FSIP1: variants seen among roughly 807,000 people sequenced by gnomAD.
FSIP1 encodes the protein fibrous sheath-interacting protein 1.
In FSIP1, 65 loss-of-function variants were observed where a neutral mutation model predicts 60.9. That is an observed-to-expected ratio of 1.07 (90% CI 0.87 to 1.31). The LOEUF (loss-of-function observed/expected upper bound fraction) is 1.31. Among genes scored for constraint, FSIP1 ranks in the 40% most tolerant of loss-of-function variants. The pLI is 0.00. For synonymous variants in FSIP1, 209 were observed against 221.2 expected, an observed-to-expected ratio of 0.94 and a Z score of 0.49; for missense variants, 675 against 665.5, an observed-to-expected ratio of 1.01 and a Z score of -0.16.
At chr15:39,757,540 G>A (rs1272175452) in intron 5 of FSIP1, among the ~76,000 whole-genome samples, 1 of 151,980 alleles carries the variant, frequency 6.6e-6, no homozygotes, top group Non-Finnish European at 1.5e-5. Flanking sequence ...AATATAATTA[G>A]GTTAATAATG....
intron 10 of FSIP1, among the ~76,000 whole-genome samples, chr15:39,669,625 T>C (rs1893638670): frequency 6.6e-6 from 1 of 152,252 alleles, no homozygotes; most frequent in South Asian, 2.1e-4. Context: ...AATTTAATTA[T>C]ATGCCAAGTT....
chr15:39,658,251 A>ATTTTTTT (rs71132110), intron 10 of FSIP1, among the ~76,000 whole-genome samples: 1 of 105,290 alleles, frequency 9.5e-6, no homozygotes, highest in Non-Finnish European at 2.1e-5. Flanking sequence ...AGCAGACATG[A>ATTTTTTT]TTTTTTTTTT....
At chr15:39,767,302 C>G (rs1429290113) in intron 3 of FSIP1, among the ~76,000 whole-genome samples, 1 of 152,234 alleles carries the variant, frequency 6.6e-6, no homozygotes, top group Non-Finnish European at 1.5e-5. Context: ...CTAGCATTCT[C>G]AGGCTCCGTG....
chr15:39,720,483 G>A (rs952398176), intron 9 of FSIP1, among the ~76,000 whole-genome samples: 1 of 152,120 alleles, frequency 6.6e-6, no homozygotes, highest in Admixed American at 6.6e-5. Flanking sequence ...AGCCATTTCT[G>A]AGGCCCTCCC....
intron 10 of FSIP1, among the ~76,000 whole-genome samples, chr15:39,636,480 C>A (rs2140412242): frequency 6.6e-6 from 1 of 152,312 alleles, no homozygotes; most frequent in East Asian, 1.9e-4. Flanking sequence ...AGAAGGAGAA[C>A]TGACCTACCT....
chr15:39,598,452 AATGGCAAAGAATTAAATACCATC>A (rs1890527934), downstream of FSIP1: 1 of 152,222 alleles, frequency 6.6e-6, no homozygotes, highest in African/African-American at 2.4e-5. Flanking sequence ...AATTCTTTGA[AATGGCAAAGAATTAAATACCATC>A]ATTCATTATC....
At chr15:39,723,010 C>A (rs1896044523) in intron 9 of FSIP1, among the ~76,000 whole-genome samples, 1 of 152,026 alleles carries the variant, frequency 6.6e-6, no homozygotes, top group Admixed American at 6.6e-5. Context: ...TCAATACCTC[C>A]CATAAGGAAA....
Position 39,700,694 on chromosome 15 carries a change from G to A in FSIP1, c.1188+12750C>T, listed in dbSNP as rs931294603. On this transcript the variant is annotated intron_variant, in intron 10 of 11. Transcript: ENST00000350221. ...ATTGCCCACCCCAGTGTCTATACAAGGCTTTCACTACTCCACTATGCAGCC... is the reference window on the plus strand; with the variant it reads ...ATTGCCCACCCCAGTGTCTATACAAAGCTTTCACTACTCCACTATGCAGCC... Among the ~76,000 whole-genome samples, 5 of 152,254 alleles carry A rather than the reference G, an allele frequency of 3.3e-5. No homozygotes were observed. The East Asian group carries it at 9.6e-4, about 29-fold the overall frequency.
chr15:39,741,928 A>G (rs780909215), intron 5 of FSIP1, 28 bp from the exon 6 acceptor site: 16 of 1,184,074 alleles, frequency 1.4e-5, no homozygotes, highest in Non-Finnish European at 1.9e-5. Flanking sequence ...CACTTGTTCA[A>G]TGCTCACAAA....
chr15:39,673,139 AG>A (rs1323964315), intron 10 of FSIP1, among the ~76,000 whole-genome samples: 1 of 152,228 alleles, frequency 6.6e-6, no homozygotes, highest in Non-Finnish European at 1.5e-5. Flanking sequence ...ACTGCCCAAA[AG>A]GTTTCTGAAA....
chr15:39,730,173 G>C (rs1172095917), intron 8 of FSIP1, among the ~76,000 whole-genome samples: 1 of 152,088 alleles, frequency 6.6e-6, no homozygotes, highest in Non-Finnish European at 1.5e-5. Flanking sequence ...CTAAACTAGG[G>C]ATTCTATAGA....
chr15:39,649,849 G>A (rs569617562), intron 10 of FSIP1, among the ~76,000 whole-genome samples: 12 of 152,200 alleles, frequency 7.9e-5, no homozygotes, highest in Admixed American at 3.3e-4. Context: ...CCAATATCCC[G>A]ATTGCCTTCC....
chr15:39,781,126 T>C (rs1339437416), intron 1 of FSIP1, among the ~76,000 whole-genome samples: 2 of 151,968 alleles, frequency 1.3e-5, no homozygotes, highest in Non-Finnish European at 2.9e-5. Context: ...TATAAACAAG[T>C]ATCAAGACTC....
chr15:39,723,330 G>A (rs1367474463), intron 9 of FSIP1, among the ~76,000 whole-genome samples: 2 of 152,146 alleles, frequency 1.3e-5, no homozygotes, highest in East Asian at 1.9e-4. Flanking sequence ...CCGGGTTCAC[G>A]CCATTCTCCT....
chr15:39,768,459 G>A (rs1310419217), intron 3 of FSIP1, among the ~76,000 whole-genome samples: 1 of 152,148 alleles, frequency 6.6e-6, no homozygotes, highest in Admixed American at 6.5e-5. Flanking sequence ...TAAAAAACAT[G>A]CTATTACTAA....
chr15:39,640,972 A>AAG (rs1423907957), intron 10 of FSIP1, among the ~76,000 whole-genome samples: 1 of 152,202 alleles, frequency 6.6e-6, no homozygotes, highest in Non-Finnish European at 1.5e-5. Context: ...AGTTCACCAC[A>AAG]AGCACTCAAA....
At chr15:39,684,816 C>T (rs1360459949) in intron 10 of FSIP1, among the ~76,000 whole-genome samples, 1 of 152,164 alleles carries the variant, frequency 6.6e-6, no homozygotes, top group Non-Finnish European at 1.5e-5. Context: ...TATATCCTGA[C>T]ACTGTTCTAA....
intron 10 of FSIP1, among the ~76,000 whole-genome samples, chr15:39,669,428 T>C (rs767245959): frequency 1.3e-5 from 2 of 152,252 alleles, no homozygotes; most frequent in Non-Finnish European, 2.9e-5. Context: ...ACCCAAACCA[T>C]GACACTGTGC....
At chr15:39,687,137 C>CTTTTTT (rs386382788) in intron 10 of FSIP1, among the ~76,000 whole-genome samples, 27 of 115,432 alleles carry the variant, frequency 2.3e-4, no homozygotes, top group Non-Finnish European at 3.4e-4. Flanking sequence ...TTTTCTTTTC[C>CTTTTTT]TTTTTTTTTT....
Sources: allele counts gnomAD v4.1 joint callset (sites outside exome capture counted in the v4.1 genomes callset), GRCh38; gene constraint gnomAD v4.1.1; transcripts MANE v1.5; gene names NCBI Gene and HGNC (gene_info 2026-07-23, HGNC 2026-07-21).